TTC28: variants seen among roughly 807,000 people sequenced by gnomAD.
TTC28 encodes the protein tetratricopeptide repeat protein 28.
Under a neutral mutation model 198.0 loss-of-function variants are expected in TTC28, and 61 were observed. The observed-to-expected ratio is 0.31, with a 90% CI of 0.25 to 0.38. The LOEUF is 0.38. TTC28 is among the 10% of genes least tolerant of loss of function. TTC28 has a pLI of 1.00. For synonymous variants in TTC28, 1,171 were observed against 1,297.8 expected (o/e 0.90, Z 2.10); for missense variants, 2,678 against 3,164.0 (o/e 0.85, Z 3.69).
At chr22:28,142,164 T>A (rs995357529) in intron 6 of TTC28, among the ~76,000 whole-genome samples, 1 of 152,210 alleles carries the variant, frequency 6.6e-6, no homozygotes, top group Non-Finnish European at 1.5e-5. Flanking sequence ...GCCTCCAAGG[T>A]ACATCGTGAA....
At chr22:28,511,801 T>C (rs893274437) in intron 2 of TTC28, among the ~76,000 whole-genome samples, 2 of 149,948 alleles carry the variant, frequency 1.3e-5, no homozygotes, top group Non-Finnish European at 3.0e-5. Flanking sequence ...CTAGGTGATA[T>C]AGTGAGACTC....
At position 27,982,415 on chromosome 22, in the gene TTC28, G is replaced by A. The variant is rs902527407; in HGVS notation, c.7252C>T (p.Leu2418=). 49 of 1,551,384 alleles carry A rather than the reference G, an allele frequency of 3.2e-5. No individual in the cohort carries two copies. In the African/African-American group the frequency reaches 6.3e-4, roughly 20 times the overall value. The stretch of plus-strand genomic sequence containing the variant: ...GGTGGAGCTCCGTCATGCTGCTGCA[G>A]GGACAGCTCCTTCAGTTCAAGCTTA... ...VDKLELKELS[L]QQHDGAPPKA... is the part of the protein sequence containing the mutation. Residue 2418 remains leucine, a synonymous_variant, in exon 23 of 23, where the codon CTG becomes TTG. Coordinates refer to ENST00000397906, the MANE Select transcript of TTC28 (RefSeq NM_001145418.2). This position sits in a 1 kb window ranked among gnomAD's most constrained non-coding sequence, Gnocchi z 5.2.
intron 2 of TTC28, among the ~76,000 whole-genome samples, chr22:28,565,469 G>A (rs1055916712): frequency 9.2e-5 from 14 of 152,214 alleles, no homozygotes; most frequent in East Asian, 5.8e-4. Flanking sequence ...TTCAAAGAAC[G>A]AGATCAAATC....
Position 27,982,819 on chromosome 22 carries a change from T to C in TTC28, c.6848A>G (p.Gln2283Arg), listed in dbSNP as rs1937068251. 1.3e-6 allele frequency: 2 copies of C among 1,541,338 alleles called. No individual in the cohort carries two copies. Among genetic ancestry groups the C allele is most frequent in the Admixed American group, 2.0e-5 (1 of 50,300 alleles). The change falls in exon 23 of 23, where the codon CAG becomes CGG. Residue 2283 changes from glutamine to arginine, a missense_variant. Physicochemically the swap from Gln to Arg is conservative, Grantham distance 43 (BLOSUM62 1). Around this residue, in one of 8 missense-constraint regions of TTC28, gnomAD observed 622 missense variants for 656.0 expected, o/e 0.95. Coordinates refer to ENST00000397906, the MANE Select transcript of TTC28 (RefSeq NM_001145418.2). This position sits in a 1 kb window ranked among gnomAD's most constrained non-coding sequence, Gnocchi z 5.2. ...GCDSQTSQLD[Q>R]PLFKLKYPSS... ...GGGGTACTTCAGTTTAAAGAGAGGC[T>C]GGTCCAGCTGGGAAGTCTGTGAGTC...
intron 2 of TTC28, among the ~76,000 whole-genome samples, chr22:28,628,023 A>G (rs2051105575): frequency 6.6e-6 from 1 of 152,020 alleles, no homozygotes. Flanking sequence ...CTCTCACCTC[A>G]GCCTCCCAAG....
At chr22:28,387,050 G>A (rs535954247) in intron 2 of TTC28, among the ~76,000 whole-genome samples, 4 of 151,596 alleles carry the variant, frequency 2.6e-5, no homozygotes, top group African/African-American at 7.3e-5. Flanking sequence ...GTGTCCACGT[G>A]TTCTCATTGT....
chr22:28,135,259 C>T (rs2146972440), intron 6 of TTC28, among the ~76,000 whole-genome samples: 1 of 152,200 alleles, frequency 6.6e-6, no homozygotes, highest in Non-Finnish European at 1.5e-5. Flanking sequence ...AACTCAACAC[C>T]AGTGAGCTCA....
At chr22:28,134,106 G>A (rs979843960) in intron 6 of TTC28, among the ~76,000 whole-genome samples, 4 of 152,226 alleles carry the variant, frequency 2.6e-5, no homozygotes, top group East Asian at 1.9e-4. Context: ...ACAGGGTCTG[G>A]AGTGGACTCC....
intron 2 of TTC28, among the ~76,000 whole-genome samples, chr22:28,498,773 T>C (rs1471363874): frequency 6.6e-6 from 1 of 152,182 alleles, no homozygotes; most frequent in Non-Finnish European, 1.5e-5. Context: ...TAGGAGTTCA[T>C]TCTTATTGAT....
chr22:28,269,294 G>A (rs1395599325), intron 5 of TTC28, among the ~76,000 whole-genome samples: 3 of 152,058 alleles, frequency 2.0e-5, no homozygotes, highest in Non-Finnish European at 4.4e-5. Flanking sequence ...AAGGGTATTT[G>A]AATACAGGGT....
At chr22:28,311,238 A>G (rs910542611) in intron 2 of TTC28, among the ~76,000 whole-genome samples, 1 of 148,048 alleles carries the variant, frequency 6.8e-6, no homozygotes, top group Non-Finnish European at 1.5e-5. Flanking sequence ...TGTAAATCAC[A>G]TGACTTTTTT....
At chr22:28,339,041 G>A (rs1328219464) in intron 2 of TTC28, among the ~76,000 whole-genome samples, 2 of 152,152 alleles carry the variant, frequency 1.3e-5, no homozygotes, top group African/African-American at 2.4e-5. Flanking sequence ...CTGATGTACA[G>A]ATGGGGTTTT....
chr22:28,390,635 A>C (rs1367821984), intron 2 of TTC28, among the ~76,000 whole-genome samples: 3 of 152,202 alleles, frequency 2.0e-5, no homozygotes, highest in Non-Finnish European at 4.4e-5. Flanking sequence ...GCTGGTTTAA[A>C]GTCTGTTTTA....
intron 2 of TTC28, among the ~76,000 whole-genome samples, chr22:28,392,189 G>A (rs1057313456): frequency 6.6e-6 from 1 of 152,242 alleles, no homozygotes; most frequent in African/African-American, 2.4e-5. Context: ...TGAGGAGGCA[G>A]TCTGCCCGTT....
chr22:28,068,605 A>C (rs1214443955), intron 12 of TTC28, among the ~76,000 whole-genome samples: 1 of 152,196 alleles, frequency 6.6e-6, no homozygotes, highest in South Asian at 2.1e-4. Flanking sequence ...CAAATATGCA[A>C]CAGATCCAAG....
chr22:28,575,153 A>C (rs1340096604), intron 2 of TTC28, among the ~76,000 whole-genome samples: 2 of 152,206 alleles, frequency 1.3e-5, no homozygotes, highest in African/African-American at 2.4e-5. Flanking sequence ...GTAGTTTCAT[A>C]GTTTGAGGTC....
intron 2 of TTC28, among the ~76,000 whole-genome samples, chr22:28,456,373 T>G (rs1320095089): frequency 6.6e-6 from 1 of 152,048 alleles, no homozygotes; most frequent in Non-Finnish European, 1.5e-5. Context: ...TGGGGGGAGA[T>G]GCAGATGTTC....
chr22:28,122,500 G>C (rs1338591106), intron 6 of TTC28, among the ~76,000 whole-genome samples: 2 of 152,148 alleles, frequency 1.3e-5, no homozygotes, highest in Non-Finnish European at 2.9e-5. Flanking sequence ...CTTACCTGAT[G>C]ACTGAAGATA....
Position 27,982,564 on chromosome 22 carries a change from G to A in TTC28, c.7103C>T (p.Pro2368Leu). ...HNLKMFWQST[P>L]QHSTGPMKIF... ...CTTCATTGGCCCTGTGGAATGCTGGGGTGTGCTCTGCCAGAACATCTTCAG... is the reference window on the plus strand; with the variant it reads ...CTTCATTGGCCCTGTGGAATGCTGGAGTGTGCTCTGCCAGAACATCTTCAG... Residue 2368 changes from proline (P) to leucine (L), a missense_variant, in exon 23 of 23, where the codon CCC becomes CTC. Coordinates refer to ENST00000397906, the MANE Select transcript of TTC28 (RefSeq NM_001145418.2). The surrounding 1 kb of genome is among the most constrained non-coding windows in gnomAD (Gnocchi z 5.2). 1 of 1,551,748 alleles carries A rather than the reference G, an allele frequency of 6.4e-7. No individual in the cohort carries two copies. The highest frequency in any genetic ancestry group is 8.7e-7 in the Non-Finnish European group (1 of 1,147,018).
Sources: gnomAD v4.1 joint callset for allele counts (sites outside exome capture counted in the v4.1 genomes callset) on GRCh38, gnomAD v4.1.1 for gene constraint, gnomAD v4.1.1 regional missense constraint, Gnocchi (gnomAD v3.1) non-coding constraint, MANE v1.5 for transcripts, NCBI Gene and HGNC (gene_info 2026-07-23, HGNC 2026-07-21) for gene names.